The following SSH1 variants were observed in gnomAD, a reference collection of about 807,000 sequenced individuals.
SSH1 encodes the protein protein phosphatase Slingshot homolog 1.
A neutral mutation model predicts 79.7 loss-of-function variants in SSH1; 43 were observed. The ratio of observed to expected loss-of-function variants is 0.54; its 90% CI spans 0.42 to 0.70. The LOEUF is 0.70. Among genes scored for constraint, SSH1 ranks in the 30% least tolerant of loss-of-function variants. The pLI, the probability that SSH1 is intolerant of heterozygous loss-of-function variation, is 0.00. For synonymous variants in SSH1, 599 were observed against 538.3 expected (o/e 1.11, Z -1.56); for missense variants, 1,206 against 1,358.8 (o/e 0.89, Z 1.77).
intron 14 of SSH1, among the ~76,000 whole-genome samples, chr12:108,789,743 T>C (rs1047190224): frequency 1.3e-5 from 2 of 152,080 alleles, no homozygotes; most frequent in Non-Finnish European, 2.9e-5. Flanking sequence ...GAGAGCAGCA[T>C]GCAGGTCCAG....
intron 2 of SSH1, among the ~76,000 whole-genome samples, chr12:108,849,720 A>G (rs1566020924): frequency 6.7e-6 from 1 of 148,416 alleles, no homozygotes; most frequent in Non-Finnish European, 1.5e-5. Flanking sequence ...TCTTTGCCCC[A>G]AAGACAGTCT....
At chr12:108,810,735 G>A (rs960266665) in intron 6 of SSH1, among the ~76,000 whole-genome samples, 1 of 152,202 alleles carries the variant, frequency 6.6e-6, no homozygotes, top group Non-Finnish European at 1.5e-5. Context: ...CCTTCCTTGG[G>A]AGTGAACGCG....
chr12:108,826,364 T>C, intron 2 of SSH1: 1 of 329,746 alleles, frequency 3.0e-6, no homozygotes, highest in Non-Finnish European at 5.9e-6. Context: ...TGGAACACTC[T>C]GCCTCTGTTC....
intron 14 of SSH1, 66 bp downstream of exon 14, chr12:108,792,220 G>A: frequency 6.2e-7 from 1 of 1,612,938 alleles, no homozygotes; most frequent in Non-Finnish European, 8.5e-7. Context: ...CAGAGGCTGA[G>A]GTAGGCCAAT....
At chr12:108,802,562 G>A (rs1233835067) in intron 10 of SSH1, among the ~76,000 whole-genome samples, 194 bp from the exon 11 acceptor site, 2 of 152,166 alleles carry the variant, frequency 1.3e-5, no homozygotes, top group African/African-American at 2.4e-5. Context: ...GAGAGGAAGG[G>A]AGGGAGGGAC....
Position 108,787,860 on chromosome 12 carries a change from G to A in SSH1, c.*128C>T. ...TCCTCCTCTCTATGGCAAGAGTAGG[G>A]GAAAAGTTAGGATGACTTCACTCGT... On this transcript the variant is annotated 3_prime_UTR_variant, in exon 15 of 15. Transcript: ENST00000326495. The A allele has an allele frequency of 8.2e-7, 1 of 1,217,630 alleles. No homozygotes were observed. The highest frequency in any genetic ancestry group is 1.2e-6 in the Non-Finnish European group (1 of 856,242). 75.4% of individuals were successfully genotyped at this position (1,217,630 alleles called of 1,614,324 possible).
rs993558066 is a variant in SSH1 at position 108,791,251 on chromosome 12, A to C, written c.1893+1035T>G. Among the ~76,000 whole-genome samples the C allele has an allele frequency of 8.9e-4, 136 of 152,296 alleles. 1 individual carries two copies. Among genetic ancestry groups the C allele is most frequent in the African/African-American group, 3.1e-3 (128 of 41,564 alleles). On this transcript the variant is annotated intron_variant, in intron 14 of 14. Transcript: ENST00000326495. ...CAGCCTCCTGAGTAGCTGGGATTAC[A>C]GGCATGCACCATCACACCCAGCTAA... is the stretch of plus-strand genomic sequence containing the variant.
chr12:108,857,555 CG>C lies in SSH1; in HGVS notation c.-60del, dbSNP rs1319658272. On this transcript the variant is annotated 5_prime_UTR_variant, in exon 1 of 15. Coordinates refer to ENST00000326495, the MANE Select transcript of SSH1 (RefSeq NM_018984.4). This position sits in a 1 kb window ranked among gnomAD's most constrained non-coding sequence, Gnocchi z 4.7. Reference sequence around the variant, plus strand: ...CTCGAGCTAGAGCCGCCACCGCCACCGCCGCCCGGGCCGGGCCCGGGGCCTC... The same window carrying C: ...CTCGAGCTAGAGCCGCCACCGCCACCCCGCCCGGGCCGGGCCCGGGGCCTC... The C allele has an allele frequency of 2.0e-6, 2 of 993,192 alleles. No individual in the cohort carries two copies. The highest frequency in any genetic ancestry group is 2.4e-6 in the Non-Finnish European group (2 of 828,716). The allele number at this position is 993,192 out of a possible 1,614,324, so 61.5% of individuals were successfully genotyped here.
intron 6 of SSH1, among the ~76,000 whole-genome samples, chr12:108,810,590 TC>T (rs1158307030): frequency 6.6e-6 from 1 of 152,098 alleles, no homozygotes; most frequent in Non-Finnish European, 1.5e-5. Context: ...CATAACCCCA[TC>T]ACTTAAACAA....
chr12:108,822,211 T>C (rs2038147508), intron 3 of SSH1, among the ~76,000 whole-genome samples: 1 of 152,066 alleles, frequency 6.6e-6, no homozygotes, highest in Non-Finnish European at 1.5e-5. Context: ...TGGTGACACA[T>C]CAGCCTCGAC....
intron 2 of SSH1, among the ~76,000 whole-genome samples, chr12:108,847,281 C>T (rs2038919541): frequency 6.6e-6 from 1 of 152,176 alleles, no homozygotes; most frequent in Admixed American, 6.5e-5. Context: ...ACAATTGAGA[C>T]CCACAGAGCT....
chr12:108,788,194 G>A lies in SSH1; in HGVS notation c.2944C>T (p.Leu982=), dbSNP rs745383652. The change falls in exon 15 of 15, where the codon CTG becomes TTG. Residue 982 remains leucine, a synonymous_variant. Transcript: ENST00000326495. Reference sequence around the variant, plus strand: ...TCCGTTGAGAAGGTGAGACTCCCCAGCTTGGCAAGAGAGTGTGAGCGCTTC... The same window carrying A: ...TCCGTTGAGAAGGTGAGACTCCCCAACTTGGCAAGAGAGTGTGAGCGCTTC... ...PLKRSHSLAK[L]GSLTFSTEDL... 2 of 1,614,074 alleles carry A rather than the reference G, an allele frequency of 1.2e-6. No homozygotes were observed. Among genetic ancestry groups the A allele is most frequent in the Non-Finnish European group, 8.5e-7 (1 of 1,180,020 alleles).
intron 2 of SSH1, among the ~76,000 whole-genome samples, chr12:108,834,700 A>T (rs2038556457): frequency 6.6e-6 from 1 of 152,184 alleles, no homozygotes; most frequent in African/African-American, 2.4e-5. Context: ...CTCATTTCCA[A>T]ATCGTGTTCC....
chr12:108,798,373 C>T (rs2036840948), intron 13 of SSH1, among the ~76,000 whole-genome samples: 1 of 152,240 alleles, frequency 6.6e-6, no homozygotes, highest in Non-Finnish European at 1.5e-5. Context: ...GGGTCTTGCT[C>T]TGTCATGCAG....
At chr12:108,837,190 C>T (rs1422356672) in intron 2 of SSH1, among the ~76,000 whole-genome samples, 5 of 152,156 alleles carry the variant, frequency 3.3e-5, no homozygotes, top group Non-Finnish European at 7.4e-5. Flanking sequence ...TGAGATATCA[C>T]CGCTGCACTC....
At chr12:108,844,474 C>T (rs534584207) in intron 2 of SSH1, among the ~76,000 whole-genome samples, 2 of 152,232 alleles carry the variant, frequency 1.3e-5, no homozygotes, top group East Asian at 3.9e-4. Context: ...GCACCAGGCA[C>T]CCCTTACCAT....
chr12:108,803,845 T>C (rs2037140829), intron 10 of SSH1, among the ~76,000 whole-genome samples: 1 of 152,180 alleles, frequency 6.6e-6, no homozygotes, highest in South Asian at 2.1e-4. Flanking sequence ...GAAATCTATA[T>C]AGATTTGTAT....
chr12:108,805,594 C>T (rs1438437098), intron 9 of SSH1, among the ~76,000 whole-genome samples: 1 of 151,770 alleles, frequency 6.6e-6, no homozygotes, highest in Non-Finnish European at 1.5e-5. Context: ...TGGAGTGGCT[C>T]ATGCCTGTAA....
intron 2 of SSH1, among the ~76,000 whole-genome samples, chr12:108,831,177 T>C (rs1368164553): frequency 6.6e-6 from 1 of 152,200 alleles, no homozygotes; most frequent in Non-Finnish European, 1.5e-5. Context: ...CCCAGATTGA[T>C]GGGACAGGCT....
Sources: allele counts gnomAD v4.1 joint callset (sites outside exome capture counted in the v4.1 genomes callset), GRCh38; gene constraint gnomAD v4.1.1; non-coding constraint Gnocchi (gnomAD v3.1); transcripts MANE v1.5; gene names NCBI Gene and HGNC (gene_info 2026-07-23, HGNC 2026-07-21).